The following TTN variants were observed in gnomAD, a reference collection of about 807,000 sequenced individuals.
The protein encoded by TTN is connectin.
Under a neutral mutation model 3,223.0 loss-of-function variants are expected in TTN, and 1,525 were observed. That is an observed-to-expected ratio of 0.47 (90% CI 0.45 to 0.49). The LOEUF (loss-of-function observed/expected upper bound fraction) is 0.49, where lower values mean the gene tolerates loss of function less well. Among genes scored for constraint, TTN ranks in the 20% least tolerant of loss-of-function variants. TTN has a pLI of 0.00. For missense variants in TTN, 40,786 were observed against 43,424.0 expected, an observed-to-expected ratio of 0.94 and a Z score of 5.40; for synonymous variants, 14,094 against 15,161.0, an observed-to-expected ratio of 0.93 and a Z score of 5.17.
rs2063375432 is a variant in TTN at position 178,653,037 on chromosome 2, A to G, written c.38875+4T>C. On this transcript the variant is annotated splice_donor_region_variant and intron_variant, in intron 199 of 362. Transcript: ENST00000589042. ...TTCTGAAGCCTAAAGCCAGTGACAA[A>G]TACCTTTAACAGGTGGGACTTCAGG... 6.2e-7 allele frequency: 1 copy of G among 1,612,910 alleles called. No individual in the cohort carries two copies. The highest frequency in any genetic ancestry group is 8.5e-7 in the Non-Finnish European group (1 of 1,179,468).
Position 178,728,798 on chromosome 2 carries a change from G to A in TTN, c.19148-20C>T. ...CTGGTTCTGTAGTAAAAATGAAAAT[G>A]TGGATGAGTTACATTGGTAACTCCA... On this transcript the variant is annotated intron_variant, in intron 65 of 362. Coordinates refer to ENST00000589042, the MANE Select transcript of TTN (RefSeq NM_001267550.2). 1 of 1,587,780 alleles carries A rather than the reference G, an allele frequency of 6.3e-7. No homozygotes were observed. Among genetic ancestry groups the A allele is most frequent in the South Asian group, 1.1e-5 (1 of 87,802 alleles).
intron 356 of TTN, 131 bp downstream of exon 356, chr2:178,536,807 G>T: frequency 2.2e-6 from 2 of 910,084 alleles, no homozygotes; most frequent in Non-Finnish European, 3.2e-6. Flanking sequence ...TTCAATTAAA[G>T]TGAAAGAAAA....
At chr2:178,543,036 CTTTTTTT>C (rs58609542) in intron 347 of TTN, 26 bp downstream of exon 347, 3 of 1,392,468 alleles carry the variant, frequency 2.2e-6, no homozygotes, top group Non-Finnish European at 2.9e-6. Context: ...TTTTACTTTA[CTTTTTTT>C]TTTTTTTTGG....
At chr2:178,628,969 G>A (rs768158761) in intron 240 of TTN, among the ~76,000 whole-genome samples, 19 of 152,198 alleles carry the variant, frequency 1.2e-4, no homozygotes, top group Non-Finnish European at 2.4e-4. Flanking sequence ...GCTGCAGAGC[G>A]TGCAATCAGA....
intron 13 of TTN, among the ~76,000 whole-genome samples, chr2:178,787,906 CA>C (rs34507466): frequency 3.2e-4 from 48 of 152,070 alleles, no homozygotes; most frequent in African/African-American, 1.1e-3. Context: ...AGCAGGAAGA[CA>C]AATTGGACTA....
Position 178,572,812 on chromosome 2 carries a change from T to A in TTN, c.73320A>T (p.Ile24440=). 1 of 1,613,408 alleles carries A rather than the reference T, an allele frequency of 6.2e-7. No individual in the cohort carries two copies. The highest frequency in any genetic ancestry group is 8.5e-7 in the Non-Finnish European group (1 of 1,179,570). The stretch of plus-strand genomic sequence containing the variant: ...AAAGTCTCAGGGTGCAGCAGGCCCT[T>A]ATAGTAACAACTTTGCGCAGGTCAG... ...LDADLRKVVT[I]RACCTLRLFV... Residue 24440 remains isoleucine (I), a synonymous_variant, in exon 326 of 363, where the codon ATA becomes ATT. Coordinates refer to ENST00000589042, the MANE Select transcript of TTN (RefSeq NM_001267550.2).
Position 178,804,500 on chromosome 2 carries a change from CTGGAG to C in TTN, c.91+47_91+51del, listed in dbSNP as rs3830329. 0.02 allele frequency: 31,116 copies of C among 1,572,600 alleles called. 931 individuals are homozygous for C. Among genetic ancestry groups the C allele is most frequent in the East Asian group, 0.13 (5,749 of 44,608 alleles). Reference sequence around the variant, plus strand: ...CAAGTCCTGCAGCAACGTTAACTTACTGGAGAGGAGGCAAAGGAAAAAAAAACAAA... The same window carrying C: ...CAAGTCCTGCAGCAACGTTAACTTACAGGAGGCAAAGGAAAAAAAAACAAA... On this transcript the variant is annotated intron_variant, in intron 2 of 362. Coordinates refer to ENST00000589042, the MANE Select transcript of TTN (RefSeq NM_001267550.2).
chr2:178,652,551 T>C lies in TTN; in HGVS notation c.39044-10A>G. The C allele has an allele frequency of 1.2e-6, 2 of 1,612,986 alleles. No individual in the cohort carries two copies. The highest frequency in any genetic ancestry group is 2.2e-5 in the East Asian group (1 of 44,774). On this transcript the variant is annotated splice_polypyrimidine_tract_variant and intron_variant, in intron 201 of 362. Coordinates refer to ENST00000589042, the MANE Select transcript of TTN (RefSeq NM_001267550.2). ...TTCGGAGCCTCTGGCACTTAAAAGA[T>C]ATTAGTGAAATTACATTTAGAAGTT...
rs1259276145 is a variant in TTN at position 178,740,050 on chromosome 2, G to C, written c.13183C>G (p.Leu4395Val). The change falls in exon 48 of 363, where the codon CTG becomes GTG. Residue 4395 changes from leucine to valine, a missense_variant. Leu to Val is a conservative substitution (Grantham distance 32). Coordinates refer to ENST00000589042, the MANE Select transcript of TTN (RefSeq NM_001267550.2). ...SGIPEEQRLN[L>V]KIQICRALQA... ...AAAGCCCGGCAGATTTGAATTTTCA[G>C]GTTTAATCTCTGCTCTTCTGGAATA... 3.7e-6 allele frequency: 6 copies of C among 1,613,804 alleles called. No individual in the cohort carries two copies. In the Admixed American group the frequency reaches 1.0e-4, roughly 27 times the overall value.
Position 178,567,355 on chromosome 2 carries a change from A to G in TTN, c.78777T>C (p.Ile26259=), listed in dbSNP as rs769134704. 6 of 1,596,450 alleles carry G rather than the reference A, an allele frequency of 3.8e-6. No homozygotes were observed. In the South Asian group the frequency reaches 5.7e-5, roughly 15 times the overall value. ...CTCTTAAAATATACTGCCCACCATC[A>G]ATTCTAATTGCATCTTTTACAATAA... ...ALLIVKDAIR[I]DGGQYILRAS... Residue 26259 remains isoleucine, a synonymous_variant, in exon 326 of 363, where the codon ATT becomes ATC. Transcript: ENST00000589042.
intron 10 of TTN, among the ~76,000 whole-genome samples, chr2:178,791,665 G>GTA (rs1476631055): frequency 6.8e-6 from 1 of 147,750 alleles, no homozygotes; most frequent in African/African-American, 2.5e-5. Context: ...ATGTGTATAT[G>GTA]TGTGTGTGTG....
chr2:178,621,661 A>T lies in TTN; in HGVS notation c.45163T>A (p.Ser15055Thr). Residue 15055 changes from serine (S) to threonine (T), a missense_variant, in exon 245 of 363, where the codon TCC (serine) becomes ACC (threonine). Coordinates refer to ENST00000589042, the MANE Select transcript of TTN (RefSeq NM_001267550.2). Reference protein sequence around the residue: ...TDTIKLVCEVSKPGAEVIWYK... With the variant: ...TDTIKLVCEVTKPGAEVIWYK... Reference sequence around the variant, plus strand: ...CAAATCACTTCTGCGCCAGGTTTGGAGACTTCACAAACCAGTTTTATAGTG... The same window carrying T: ...CAAATCACTTCTGCGCCAGGTTTGGTGACTTCACAAACCAGTTTTATAGTG... 6.2e-7 allele frequency: 1 copy of T among 1,612,342 alleles called. No individual in the cohort carries two copies. Among genetic ancestry groups the T allele is most frequent in the African/African-American group, 1.3e-5 (1 of 74,902 alleles).
rs1378908983 is a variant in TTN at position 178,579,110 on chromosome 2, A to G, written c.67920T>C (p.Val22640=). 1 of 1,613,378 alleles carries G rather than the reference A, an allele frequency of 6.2e-7. No homozygotes were observed. Residue 22640 remains valine (V), a synonymous_variant, in exon 320 of 363, where the codon GTT becomes GTC. Transcript: ENST00000589042. ...CAGTGGGGATGCCAGGCTTGCCAAC[A>G]ACCTTTATGGAGATAGTTCCTTCCT... ...GTKEGTISIK[V]VGKPGIPTGP...
rs768717312 is a variant in TTN, at chr2:178,532,054, A to G, written c.104561T>C (p.Val34854Ala). The G allele has an allele frequency of 8.1e-6, 13 of 1,613,848 alleles. No individual in the cohort carries two copies. The highest frequency in any genetic ancestry group is 1.0e-5 in the Non-Finnish European group (12 of 1,179,852). The change falls in exon 358 of 363, where the codon GTG becomes GCG. Residue 34854 changes from valine (V) to alanine (A), a missense_variant. Physicochemically the swap from Val to Ala is moderately conservative, Grantham distance 64. Transcript: ENST00000589042. ...SPTYIELMRP[V>A]SELIRSRPQP... is the part of the protein sequence containing the mutation. ...TGGACGTGACCGGATCAGCTCAGAC[A>G]CTGGCCTCATTAACTCAATATAAGT...
In TTN at chr2:178,720,994, G is replaced by A; in HGVS notation, c.23025C>T (p.Asp7675=). Residue 7675 remains aspartate, a synonymous_variant, in exon 79 of 363, where the codon GAC becomes GAT. Coordinates refer to ENST00000589042, the MANE Select transcript of TTN (RefSeq NM_001267550.2). ...GAGCCTCACAAATGTAGTCCCCGCT[G>A]TCTTCAGCACTAGCTTCATTGATCG... ...LLTINEASAE[D]SGDYICEAHN... The A allele has an allele frequency of 1.9e-6, 3 of 1,612,486 alleles. No individual in the cohort carries two copies. The highest frequency in any genetic ancestry group is 2.5e-6 in the Non-Finnish European group (3 of 1,178,686).
intron 252 of TTN, 30 bp downstream of exon 252, chr2:178,618,159 G>A: frequency 2.5e-6 from 4 of 1,610,036 alleles, no homozygotes; most frequent in Non-Finnish European, 3.4e-6. Flanking sequence ...TTACTTAAAA[G>A]CTAACTTGAA....
Position 178,535,514 on chromosome 2 carries a change from C to T in TTN, c.101101G>A (p.Val33701Ile), listed in dbSNP as rs754435284. The change falls in exon 358 of 363, where the codon GTC (valine) becomes ATC (isoleucine). Residue 33701 changes from valine (V) to isoleucine (I), a missense_variant. Val to Ile is a conservative substitution (Grantham distance 29). Coordinates refer to ENST00000589042, the MANE Select transcript of TTN (RefSeq NM_001267550.2). The part of the protein sequence containing the change: ...DPPRGVKVSD[V>I]SRDSVNLTWT... Reference sequence around the variant, plus strand: ...GTTAAGTTGACAGAATCTCGTGAGACATCACTAACTTTGACTCCTCTGGGT... The same window carrying T: ...GTTAAGTTGACAGAATCTCGTGAGATATCACTAACTTTGACTCCTCTGGGT... 1.9e-6 allele frequency: 3 copies of T among 1,613,788 alleles called. No individual in the cohort carries two copies. The highest frequency in any genetic ancestry group is 2.2e-5 in the South Asian group (2 of 91,090).
intron 106 of TTN, 51 bp from the exon 107 acceptor site, chr2:178,702,714 C>CT: frequency 6.8e-7 from 1 of 1,468,718 alleles, no homozygotes. Flanking sequence ...AGAGGAATTT[C>CT]TTTTACTTGC....
intron 69 of TTN, 87 bp from the exon 70 acceptor site, chr2:178,726,133 G>A: frequency 1.4e-6 from 2 of 1,434,670 alleles, no homozygotes; most frequent in Non-Finnish European, 1.8e-6. Context: ...TGGAAGAAAG[G>A]TTTAAGATAT....
Sources: allele counts gnomAD v4.1 joint callset (sites outside exome capture counted in the v4.1 genomes callset), GRCh38; gene constraint gnomAD v4.1.1; transcripts MANE v1.5; gene names NCBI Gene and HGNC (gene_info 2026-07-23, HGNC 2026-07-21).